The following OPTN variants were observed in gnomAD, a reference collection of about 807,000 sequenced individuals.
The protein encoded by OPTN is optineurin.
OPTN carries 54 observed loss-of-function variants against 70.4 expected under a neutral mutation model. The observed-to-expected ratio is 0.77, with a 90% confidence interval of 0.62 to 0.96. The LOEUF is 0.96. OPTN is among the 40% of genes least tolerant of loss of function. The pLI is 0.00. For missense variants in OPTN, 624 were observed against 673.2 expected (o/e 0.93, Z 0.81); for synonymous variants, 256 against 248.5 (o/e 1.03, Z -0.28).
intron 14 of OPTN, 119 bp from the exon 15 acceptor site, chr10:13,136,626 C>G (rs1035998377): frequency 6.8e-6 from 8 of 1,178,664 alleles, no homozygotes; most frequent in Non-Finnish European, 9.8e-6. Context: ...GTGCTCATGT[C>G]CCACTACGTG....
Position 13,124,400 on chromosome 10 carries a change from G to T in OPTN, c.998+290G>T, listed in dbSNP as rs1254089208. On this transcript the variant is annotated intron_variant, in intron 9 of 14. Coordinates refer to ENST00000378747, the MANE Select transcript of OPTN (RefSeq NM_001008212.2). ...AGTAAAGCTGTGAGCTAGTTTTCCT[G>T]TTACTGACTTAAGCTGATGACATTG... 2.0e-5 allele frequency among the ~76,000 whole-genome samples: 3 copies of T among 152,140 alleles called. No individual in the cohort carries two copies. The East Asian group carries it at 5.8e-4, about 29-fold the overall frequency.
intron 7 of OPTN, among the ~76,000 whole-genome samples, chr10:13,120,675 A>T (rs1189364890): frequency 6.6e-6 from 1 of 152,078 alleles, no homozygotes; most frequent in African/African-American, 2.4e-5. Context: ...GTTCAACTTC[A>T]TTAGACTCTC....
chr10:13,125,942 A>G lies in OPTN; in HGVS notation c.1149-4A>G, dbSNP rs1833449445. The G allele has an allele frequency of 6.3e-7, 1 of 1,595,400 alleles. No individual in the cohort carries two copies. The highest frequency in any genetic ancestry group is 8.6e-7 in the Non-Finnish European group (1 of 1,163,164). On this transcript the variant is annotated splice_region_variant and splice_polypyrimidine_tract_variant and intron_variant, in intron 10 of 14. Coordinates refer to ENST00000378747, the MANE Select transcript of OPTN (RefSeq NM_001008212.2). ...ATTCCATTTTTTAATATCTTTTTTA[A>G]TAGGTCCAAATTAACTGTGCTACAG... is the stretch of plus-strand genomic sequence containing the variant.
intron 12 of OPTN, 88 bp downstream of exon 12, chr10:13,127,991 A>T: frequency 6.8e-7 from 1 of 1,464,984 alleles, no homozygotes; most frequent in South Asian, 1.2e-5. Flanking sequence ...GAATGTTTGT[A>T]ATTTTCTATT....
At chr10:13,125,069 A>T (rs911835029) in intron 9 of OPTN, among the ~76,000 whole-genome samples, 4 of 152,052 alleles carry the variant, frequency 2.6e-5, no homozygotes, top group Non-Finnish European at 5.9e-5. Flanking sequence ...CTTTTTTTTT[A>T]ATATAAAAGA....
chr10:13,108,463 T>G (rs1023719636), intron 2 of OPTN, among the ~76,000 whole-genome samples, 174 bp downstream of exon 2: 6 of 152,170 alleles, frequency 3.9e-5, no homozygotes, highest in African/African-American at 1.2e-4. Context: ...CATGATACCT[T>G]GCCCATGTCT....
At chr10:13,107,339 C>T (rs1334075487) in intron 1 of OPTN, among the ~76,000 whole-genome samples, 1 of 150,310 alleles carries the variant, frequency 6.7e-6, no homozygotes, top group Non-Finnish European at 1.5e-5. Flanking sequence ...CGCTCCACTG[C>T]ACTCCAGCCT....
rs1443323841 is a variant in OPTN at position 13,137,147 on chromosome 10, C to T, written c.*281C>T. On this transcript the variant is annotated 3_prime_UTR_variant, in exon 15 of 15. Coordinates refer to ENST00000378747, the MANE Select transcript of OPTN (RefSeq NM_001008212.2). Reference sequence around the variant, plus strand: ...TACAAAAATTAGCCGAGCATGGTGGCGCATGCCTGTAGTCGCAGCTACTCG... The same window carrying T: ...TACAAAAATTAGCCGAGCATGGTGGTGCATGCCTGTAGTCGCAGCTACTCG... 3.5e-5 allele frequency: 16 copies of T among 452,798 alleles called. No homozygotes were observed. Among genetic ancestry groups the T allele is most frequent in the Admixed American group, 3.4e-4 (10 of 29,618 alleles). 28.0% of individuals were successfully genotyped at this position (452,798 alleles called of 1,614,324 possible). A position where few individuals can be genotyped will look rare whatever the true frequency, so the allele number is the denominator to read the frequency against.
Position 13,137,944 on chromosome 10 carries a change from A to T in OPTN, c.*1078A>T, listed in dbSNP as rs960240587. 10 of 216,240 alleles carry T rather than the reference A, an allele frequency of 4.6e-5. No individual in the cohort carries two copies. Among genetic ancestry groups the T allele is most frequent in the African/African-American group, 2.3e-4 (10 of 44,382 alleles). 13.4% of individuals were successfully genotyped at this position (216,240 alleles called of 1,614,324 possible). A position where few individuals can be genotyped will look rare whatever the true frequency, so the allele number is the denominator to read the frequency against. On this transcript the variant is annotated 3_prime_UTR_variant, in exon 15 of 15. Coordinates refer to ENST00000378747, the MANE Select transcript of OPTN (RefSeq NM_001008212.2). ...TAGGTTATATCTTCATAATCACAAG[A>T]ATTAGTGATGGCAAAATAAAATTTT...
intron 6 of OPTN, among the ~76,000 whole-genome samples, chr10:13,118,414 C>T (rs898511459): frequency 1.3e-5 from 2 of 152,170 alleles, no homozygotes; most frequent in Non-Finnish European, 2.9e-5. Flanking sequence ...TATTTGAAAC[C>T]ACAAGTGAAA....
Position 13,110,440 on chromosome 10 carries a change from T to C in OPTN, c.333T>C (p.Leu111=). The C allele has an allele frequency of 1.2e-6, 2 of 1,613,792 alleles. No homozygotes were observed. The highest frequency in any genetic ancestry group is 1.7e-6 in the Non-Finnish European group (2 of 1,179,928). ...AGAATGAGAAATTGAAGGAAGAGCT[T>C]GGAAAACTAAAAGGGAAATCAGAAA... ...SHENEKLKEE[L]GKLKGKSERS... The change falls in exon 4 of 15, where the codon CTT becomes CTC. Residue 111 remains leucine (L), a synonymous_variant. Transcript: ENST00000378747.
intron 1 of OPTN, among the ~76,000 whole-genome samples, chr10:13,106,317 T>C (rs968126116): frequency 6.6e-6 from 1 of 152,238 alleles, no homozygotes; most frequent in Non-Finnish European, 1.5e-5. Flanking sequence ...AAATGAATTT[T>C]ACAGAAAATT....
chr10:13,135,977 A>T (rs1186916597), intron 14 of OPTN, among the ~76,000 whole-genome samples: 1 of 152,190 alleles, frequency 6.6e-6, no homozygotes, highest in African/African-American at 2.4e-5. Flanking sequence ...AGTTGAGACC[A>T]GGAGTTCAGA....
intron 5 of OPTN, among the ~76,000 whole-genome samples, chr10:13,114,762 A>G (rs1588438104): frequency 1.2e-5 from 1 of 83,754 alleles, no homozygotes; most frequent in Admixed American, 1.7e-4. Context: ...ATATAATTGC[A>G]TATATAATTA....
chr10:13,125,934 C>G lies in OPTN; in HGVS notation c.1149-12C>G. ...TCCCCAGGATTCCATTTTTTAATAT[C>G]TTTTTTAATAGGTCCAAATTAACTG... On this transcript the variant is annotated splice_polypyrimidine_tract_variant and intron_variant, in intron 10 of 14. Transcript: ENST00000378747. The G allele has an allele frequency of 6.3e-7, 1 of 1,583,106 alleles. No individual in the cohort carries two copies. The highest frequency in any genetic ancestry group is 1.3e-5 in the African/African-American group (1 of 74,298).
intron 12 of OPTN, among the ~76,000 whole-genome samples, chr10:13,129,947 G>C (rs1588451306): frequency 6.6e-6 from 1 of 152,162 alleles, no homozygotes; most frequent in East Asian, 1.9e-4. Flanking sequence ...ATTTCTACAG[G>C]AATAGAGCCT....
chr10:13,134,089 G>C (rs1295763881), intron 14 of OPTN, among the ~76,000 whole-genome samples: 1 of 152,162 alleles, frequency 6.6e-6, no homozygotes, highest in East Asian at 1.9e-4. Context: ...GATTACAGGC[G>C]CAAGCCACTG....
intron 7 of OPTN, among the ~76,000 whole-genome samples, chr10:13,120,039 G>A (rs376758609): frequency 2.8e-5 from 4 of 141,526 alleles, no homozygotes; most frequent in Non-Finnish European, 6.0e-5. Flanking sequence ...CTGGAGTGCA[G>A]TGGCGCAATC....
chr10:13,134,322 GA>G (rs1439813044), intron 14 of OPTN, among the ~76,000 whole-genome samples: 3 of 152,122 alleles, frequency 2.0e-5, no homozygotes, highest in Non-Finnish European at 2.9e-5. Context: ...CCATCTCCAT[GA>G]ACTGTTTCCA....
Sources: allele counts gnomAD v4.1 joint callset (sites outside exome capture counted in the v4.1 genomes callset), GRCh38; gene constraint gnomAD v4.1.1; transcripts MANE v1.5; gene names NCBI Gene and HGNC (gene_info 2026-07-23, HGNC 2026-07-21).